RBFOX1: variants seen among roughly 807,000 people sequenced by gnomAD.
RBFOX1 encodes RNA binding fox-1 homolog 1.
Under a neutral mutation model 57.7 loss-of-function variants are expected in RBFOX1, and 8 were observed. The observed-to-expected ratio is 0.14, with a 90% confidence interval of 0.08 to 0.25. The LOEUF (loss-of-function observed/expected upper bound fraction) is 0.25, where lower values mean the gene tolerates loss of function less well. RBFOX1 is among the 10% of genes least tolerant of loss of function. RBFOX1 has a pLI of 1.00. For synonymous variants in RBFOX1, 326 were observed against 222.4 expected (o/e 1.47, Z -4.15); for missense variants, 611 against 548.5 (o/e 1.11, Z -1.14).
At chr16:7,101,799 A>G (rs781388254) in intron 4 of RBFOX1, among the ~76,000 whole-genome samples, 1 of 152,142 alleles carries the variant, frequency 6.6e-6, no homozygotes, top group East Asian at 1.9e-4. Context: ...GAATGTGGCA[A>G]ATGCTCAGTA....
At chr16:6,519,932 C>G (rs1319904029) in intron 2 of RBFOX1, among the ~76,000 whole-genome samples, 1 of 152,176 alleles carries the variant, frequency 6.6e-6, no homozygotes, top group Non-Finnish European at 1.5e-5. Flanking sequence ...AACCACCCTT[C>G]TGCAATGACT....
chr16:5,606,238 C>T (rs1218208552), intron 3 of RBFOX1, among the ~76,000 whole-genome samples: 1 of 152,122 alleles, frequency 6.6e-6, no homozygotes, highest in Non-Finnish European at 1.5e-5. Context: ...CTGCTACTCT[C>T]CTCCCACCCT....
At chr16:7,376,638 C>G (rs1256999734) in intron 4 of RBFOX1, among the ~76,000 whole-genome samples, 1 of 152,156 alleles carries the variant, frequency 6.6e-6, no homozygotes, top group East Asian at 1.9e-4. Context: ...ATCTTGGTTT[C>G]TGGGTCATTT....
intron 4 of RBFOX1, among the ~76,000 whole-genome samples, chr16:5,972,776 C>G (rs544685637): frequency 5.9e-5 from 9 of 152,318 alleles, no homozygotes; most frequent in Admixed American, 5.9e-4. Context: ...TCCAGAGAAT[C>G]TCCTATCTGT....
At chr16:7,570,178 T>TA (rs58978150) in intron 5 of RBFOX1, among the ~76,000 whole-genome samples, 85 of 149,836 alleles carry the variant, frequency 5.7e-4, no homozygotes, top group South Asian at 3.6e-3. Context: ...TTTTTTTTTT[T>TA]AAAAAGTGAC....
At chr16:7,424,095 T>C (rs2098579617) in intron 4 of RBFOX1, among the ~76,000 whole-genome samples, 2 of 152,344 alleles carry the variant, frequency 1.3e-5, no homozygotes, top group African/African-American at 4.8e-5. Context: ...TGAGTCTCTT[T>C]TTTAAGCATT....
chr16:6,309,387 G>T (rs1349169564), intron 1 of RBFOX1, among the ~76,000 whole-genome samples: 1 of 152,162 alleles, frequency 6.6e-6, no homozygotes, highest in Non-Finnish European at 1.5e-5. Context: ...CCTTCTGACA[G>T]ACAGTGCAAA....
intron 4 of RBFOX1, among the ~76,000 whole-genome samples, chr16:7,075,485 AT>A (rs908704805): frequency 2.0e-5 from 3 of 151,968 alleles, no homozygotes; most frequent in Non-Finnish European, 2.9e-5. Flanking sequence ...AAATATCTAG[AT>A]TTTTTTTGGC....
intron 2 of RBFOX1, among the ~76,000 whole-genome samples, chr16:5,500,072 GCCTGCCTT>G (rs1403076958): frequency 2.0e-5 from 3 of 150,964 alleles, no homozygotes; most frequent in Admixed American, 1.3e-4. Context: ...CTAATCATCA[GCCTGCCTT>G]CCTGCCTTCC....
At chr16:7,462,262 G>T (rs888745715) in intron 4 of RBFOX1, among the ~76,000 whole-genome samples, 6 of 152,162 alleles carry the variant, frequency 3.9e-5, no homozygotes. Flanking sequence ...AAATTTAACA[G>T]AGTAAAAGAA....
chr16:6,709,352 G>C (rs1021788743), intron 3 of RBFOX1, among the ~76,000 whole-genome samples: 2 of 152,080 alleles, frequency 1.3e-5, no homozygotes, highest in Non-Finnish European at 2.9e-5. Flanking sequence ...TTTTGCTCTT[G>C]ATTTAAAAAT....
At position 7,704,920 on chromosome 16, in the gene RBFOX1, G is replaced by A. The variant is rs147479212; in HGVS notation, c.996-4136G>A. On this transcript the variant is annotated intron_variant, in intron 14 of 15. Transcript: ENST00000550418. ...AATTTAGCCACGTATGGTGATGGGC[G>A]CCTGTAATCCCAGCAACTGGGGAGG... 1.7e-3 allele frequency among the ~76,000 whole-genome samples: 251 copies of A among 152,102 alleles called. 1 individual carries two copies. The highest frequency in any genetic ancestry group is 2.3e-3 in the Non-Finnish European group (156 of 67,986).
chr16:6,544,392 A>T (rs879417376), intron 2 of RBFOX1, among the ~76,000 whole-genome samples: 2 of 152,214 alleles, frequency 1.3e-5, no homozygotes, highest in Non-Finnish European at 2.9e-5. Flanking sequence ...ACACCTGGCA[A>T]ACATTTCCAC....
rs547934522 is a variant in RBFOX1 at position 6,323,163 on chromosome 16, TAAC to T, written c.-64+6109_-64+6111del. 1.2e-4 allele frequency among the ~76,000 whole-genome samples: 19 copies of T among 152,216 alleles called. No homozygotes were observed. In the East Asian group the frequency reaches 3.5e-3, roughly 28 times the overall value. Reference sequence around the variant, plus strand: ...AAAGACAGAGAGCTAAAAGAAGAAATAACAATTCCTTCTGCTTCTTTATTGTTA... The same window carrying T: ...AAAGACAGAGAGCTAAAAGAAGAAATAATTCCTTCTGCTTCTTTATTGTTA... On this transcript the variant is annotated intron_variant, in intron 2 of 15. Transcript: ENST00000550418.
chr16:6,303,993 G>C (rs1479096267), intron 1 of RBFOX1, among the ~76,000 whole-genome samples: 1 of 150,982 alleles, frequency 6.6e-6, no homozygotes, highest in East Asian at 2.0e-4. Context: ...TGTATTTTTA[G>C]TAGAATCGGG....
In RBFOX1 at chr16:5,488,686, GTGA is replaced by G. The variant is rs576963115; in HGVS notation, c.258+21444_258+21446del. Among the ~76,000 whole-genome samples, 6 of 149,612 alleles carry G rather than the reference GTGA, an allele frequency of 4.0e-5. No individual in the cohort carries two copies. The South Asian group carries it at 1.1e-3, about 27-fold the overall frequency. On this transcript the variant is annotated intron_variant, in intron 2 of 2. Transcript: ENST00000585867. ...GAGATGATGGTGATGGAAGGTGACG[GTGA>G]TGATGATGATGGAAGATGATGGTGC...
chr16:7,646,572 C>G (rs975097617), intron 11 of RBFOX1, among the ~76,000 whole-genome samples: 1 of 152,198 alleles, frequency 6.6e-6, no homozygotes, highest in Non-Finnish European at 1.5e-5. Flanking sequence ...CTCATCCATT[C>G]GGATGCCCAC....
chr16:6,391,527 A>G (rs1250192071), intron 2 of RBFOX1, among the ~76,000 whole-genome samples: 6 of 148,474 alleles, frequency 4.0e-5, no homozygotes, highest in Non-Finnish European at 8.8e-5. Context: ...AAAAAAAAGA[A>G]AAAAAAGTAT....
intron 4 of RBFOX1, among the ~76,000 whole-genome samples, chr16:7,271,553 A>T (rs2095318697): frequency 6.6e-6 from 1 of 152,132 alleles, no homozygotes; most frequent in Non-Finnish European, 1.5e-5. Flanking sequence ...TGTTAGTATA[A>T]TAACTAGAAG....
Sources: allele counts gnomAD v4.1 joint callset (sites outside exome capture counted in the v4.1 genomes callset), GRCh38; gene constraint gnomAD v4.1.1; transcripts MANE v1.5; gene names NCBI Gene and HGNC (gene_info 2026-07-23, HGNC 2026-07-21).